The following AKAP13 variants were observed in gnomAD, a reference collection of about 807,000 sequenced individuals.
The protein encoded by AKAP13 is A-kinase anchoring protein 13.
Under a neutral mutation model 264.5 loss-of-function variants are expected in AKAP13, and 80 were observed. The observed-to-expected ratio is 0.30, with a 90% confidence interval of 0.25 to 0.36. AKAP13 has a LOEUF of 0.36. Ranked by LOEUF, AKAP13 falls within the 10% of genes least tolerant of loss-of-function variation. The pLI, the probability that AKAP13 is intolerant of heterozygous loss-of-function variation, is 1.00. For missense variants in AKAP13, 3,712 were observed against 3,435.2 expected, an observed-to-expected ratio of 1.08 and a Z score of -2.01; for synonymous variants, 1,380 against 1,250.2, an observed-to-expected ratio of 1.10 and a Z score of -2.19.
chr15:85,563,778 A>G (rs2078502218), intron 5 of AKAP13, among the ~76,000 whole-genome samples: 1 of 152,326 alleles, frequency 6.6e-6, no homozygotes, highest in South Asian at 2.1e-4. Flanking sequence ...TGTGCCAGGC[A>G]TTATTAAATA....
At chr15:85,508,867 C>T (rs944104545) in intron 2 of AKAP13, among the ~76,000 whole-genome samples, 1 of 152,086 alleles carries the variant, frequency 6.6e-6, no homozygotes, top group Non-Finnish European at 1.5e-5. Context: ...CTTTATCTTC[C>T]CTTAACTTGC....
intron 1 of AKAP13, among the ~76,000 whole-genome samples, chr15:85,479,383 C>T (rs925534160): frequency 2.0e-5 from 3 of 152,180 alleles, no homozygotes; most frequent in Non-Finnish European, 2.9e-5. Flanking sequence ...AACCCTCACT[C>T]GAAATTTTTG....
intron 2 of AKAP13, among the ~76,000 whole-genome samples, chr15:85,507,816 C>G (rs145869883): frequency 5.6e-4 from 86 of 152,334 alleles, no homozygotes; most frequent in African/African-American, 2.0e-3. Flanking sequence ...CACCTAATCA[C>G]CCTCCTCCAC....
chr15:85,392,941 C>G (rs549179993), intron 1 of AKAP13, among the ~76,000 whole-genome samples: 28 of 152,300 alleles, frequency 1.8e-4, no homozygotes, highest in African/African-American at 6.5e-4. Context: ...CAGGTGATAG[C>G]TGTCCTAAAG....
chr15:85,480,644 CTG>C (rs1220623059), intron 1 of AKAP13, among the ~76,000 whole-genome samples: 1 of 151,956 alleles, frequency 6.6e-6, no homozygotes, highest in Non-Finnish European at 1.5e-5. Flanking sequence ...CTGAAAATAT[CTG>C]TGAGATGTAT....
Position 85,579,369 on chromosome 15 carries a change from C to T in AKAP13, c.1301C>T (p.Thr434Ile), listed in dbSNP as rs923236794. Residue 434 changes from threonine (T) to isoleucine (I), a missense_variant, in exon 7 of 37, where the codon ACA (threonine) becomes ATA (isoleucine). Physicochemically the swap from Thr to Ile is moderately conservative, Grantham distance 89. Transcript: ENST00000394518. ...GGAACAAAATCTTCTGGAATGCCCA[C>T]AGACCAGGAGTCCCTGAGCAGTGGA... ...ETGTKSSGMP[T>I]DQESLSSGDA... 2 of 1,614,220 alleles carry T rather than the reference C, an allele frequency of 1.2e-6. No homozygotes were observed. Among genetic ancestry groups the T allele is most frequent in the South Asian group, 1.1e-5 (1 of 91,080 alleles).
At chr15:85,466,872 G>A (rs896776316) in intron 1 of AKAP13, among the ~76,000 whole-genome samples, 1 of 151,772 alleles carries the variant, frequency 6.6e-6, no homozygotes, top group African/African-American at 2.4e-5. Flanking sequence ...TTTAATTTTT[G>A]TCCACTGCTA....
chr15:85,657,710 C>CT (rs11332236), intron 11 of AKAP13, among the ~76,000 whole-genome samples: 15,685 of 127,464 alleles, frequency 0.12, 1,284 homozygotes, highest in African/African-American at 0.23. Flanking sequence ...GTGGTGTACT[C>CT]TTTTTTTTTT....
At chr15:85,557,183 C>T (rs1288900738) in intron 5 of AKAP13, among the ~76,000 whole-genome samples, 1 of 152,146 alleles carries the variant, frequency 6.6e-6, no homozygotes, top group East Asian at 1.9e-4. Flanking sequence ...AAACAGATTG[C>T]TTGGAATTAA....
intron 1 of AKAP13, among the ~76,000 whole-genome samples, chr15:85,456,675 C>T (rs570604671): frequency 1.3e-5 from 2 of 151,802 alleles, no homozygotes; most frequent in East Asian, 1.9e-4. Flanking sequence ...CTCAGCCTCC[C>T]GAGTAGCTGG....
intron 14 of AKAP13, among the ~76,000 whole-genome samples, chr15:85,678,776 G>A (rs1403814924): frequency 6.6e-6 from 1 of 152,068 alleles, no homozygotes; most frequent in African/African-American, 2.4e-5. Flanking sequence ...GGCTGAGGCA[G>A]GAGAATCACT....
chr15:85,451,175 C>T (rs975357867), intron 1 of AKAP13, among the ~76,000 whole-genome samples: 8 of 152,062 alleles, frequency 5.3e-5, no homozygotes, highest in Admixed American at 2.0e-4. Flanking sequence ...AGGATTGCAA[C>T]CTTTTTTGTG....
intron 3 of AKAP13, among the ~76,000 whole-genome samples, chr15:85,525,660 C>T (rs929350688): frequency 6.6e-6 from 1 of 152,106 alleles, no homozygotes; most frequent in African/African-American, 2.4e-5. Flanking sequence ...ATTATTGTCC[C>T]TTCATAGAAA....
intron 16 of AKAP13, among the ~76,000 whole-genome samples, chr15:85,686,145 C>CTGTGTGTGTG (rs36166313): frequency 9.4e-5 from 14 of 149,442 alleles, no homozygotes; most frequent in African/African-American, 2.7e-4. Context: ...CAAGGAATCA[C>CTGTGTGTGTG]TGTGTGTGTG....
chr15:85,483,013 C>T (rs149807042), intron 1 of AKAP13, among the ~76,000 whole-genome samples: 249 of 152,302 alleles, frequency 1.6e-3, no homozygotes, highest in African/African-American at 5.6e-3. Flanking sequence ...ACAACTCTTA[C>T]GAGTTCTGGT....
chr15:85,664,826 T>C, intron 13 of AKAP13, 71 bp downstream of exon 13: 2 of 1,440,566 alleles, frequency 1.4e-6, no homozygotes, highest in Admixed American at 1.9e-5. Flanking sequence ...GCAAGGCTTC[T>C]GGTAGTATAA....
intron 1 of AKAP13, among the ~76,000 whole-genome samples, chr15:85,429,657 C>A (rs1346799868): frequency 6.6e-6 from 1 of 152,126 alleles, no homozygotes; most frequent in African/African-American, 2.4e-5. Flanking sequence ...AAAACCAAAC[C>A]ATTGGCTGTT....
At position 85,744,703 on chromosome 15, in the gene AKAP13, T is replaced by C. The variant is rs753306297; in HGVS notation, c.*26T>C. ...CCCTCTTCCTCTCTGCTGAGGCAGC[T>C]GCCTCCTGATCCTGGCCAGCCCACC... On this transcript the variant is annotated 3_prime_UTR_variant, in exon 37 of 37. Coordinates refer to ENST00000394518, the MANE Select transcript of AKAP13 (RefSeq NM_007200.5). The C allele has an allele frequency of 6.3e-7, 1 of 1,582,446 alleles. No individual in the cohort carries two copies. Among genetic ancestry groups the C allele is most frequent in the Non-Finnish European group, 8.6e-7 (1 of 1,165,576 alleles).
intron 8 of AKAP13, among the ~76,000 whole-genome samples, chr15:85,631,498 TCTCTCACACACACACA>T (rs1384845440): frequency 3.6e-4 from 24 of 66,586 alleles, no homozygotes; most frequent in African/African-American, 1.2e-3. Context: ...TCTCTCTCTC[TCTCTCACACACACACA>T]CACACACACA....
Sources: gnomAD v4.1 joint callset for allele counts (sites outside exome capture counted in the v4.1 genomes callset) on GRCh38, gnomAD v4.1.1 for gene constraint, MANE v1.5 for transcripts, NCBI Gene and HGNC (gene_info 2026-07-23, HGNC 2026-07-21) for gene names.